The following ZNF668 variants were observed in gnomAD, a reference collection of about 807,000 sequenced individuals.
ZNF668 encodes the protein zinc finger protein 668.
Under a neutral mutation model 40.3 loss-of-function variants are expected in ZNF668, and 10 were observed. The ratio of observed to expected loss-of-function variants is 0.25; its 90% CI spans 0.15 to 0.42. The LOEUF is 0.42. Ranked by LOEUF, ZNF668 falls within the 10% of genes least tolerant of loss-of-function variation. ZNF668 has a pLI of 1.00. For missense variants in ZNF668, 749 were observed against 904.6 expected (o/e 0.83, Z 2.21); for synonymous variants, 428 against 384.6 (o/e 1.11, Z -1.32).
rs1195768465 is a variant in ZNF668, at chr16:31,061,081, T to C, written c.1847A>G (p.Glu616Gly). The change falls in exon 3 of 3, where the codon GAG becomes GGG. Residue 616 changes from glutamate to glycine, a missense_variant. Transcript: ENST00000300849. This position sits in a 1 kb window ranked among gnomAD's most constrained non-coding sequence, Gnocchi z 7.7. ...GGGTCATGGGCTTCAGGCCGGCCCC[T>C]CTTCAGGCATTCCTAGCAAAGCCAC... ...PLVALLGMPE[E>G]GPA The C allele has an allele frequency of 1.3e-6, 2 of 1,498,234 alleles. No homozygotes were observed. The highest frequency in any genetic ancestry group is 1.8e-6 in the Non-Finnish European group (2 of 1,126,190). The allele number at this position is 1,498,234 out of a possible 1,614,324, so 92.8% of individuals were successfully genotyped here. A position where few individuals can be genotyped will look rare whatever the true frequency, so the allele number is the denominator to read the frequency against.
At position 31,064,877 on chromosome 16, in the gene ZNF668, G is replaced by A. The variant is rs184914970; in HGVS notation, c.-22-396C>T. The A allele has an allele frequency of 9.8e-4, 1,392 of 1,421,148 alleles. 1 individual carries two copies. The highest frequency in any genetic ancestry group is 2.9e-3 in the Middle Eastern group (11 of 3,828). The allele number at this position is 1,421,148 out of a possible 1,614,324, so 88.0% of individuals were successfully genotyped here. Reference sequence around the variant, plus strand: ...ACCCAGACGTGGGCCTGGCCTGAAGGTCTCCAAGCGCCCAGAAAAGACAGA... The same window carrying A: ...ACCCAGACGTGGGCCTGGCCTGAAGATCTCCAAGCGCCCAGAAAAGACAGA... On this transcript the variant is annotated intron_variant, in intron 1 of 2. Transcript: ENST00000300849.
In ZNF668 at chr16:31,064,286, T is replaced by G. The variant is rs772187345; in HGVS notation, c.174A>C (p.Pro58=). The change falls in exon 2 of 3, where the codon CCA becomes CCC. Residue 58 remains proline, a synonymous_variant. Transcript: ENST00000300849. ...DCSEEVAEVK[P]KPETEAKAEE... ...CTGCCTTAGCTTCTGTCTCTGGCTT[T>G]GGCTTCACCTCGGCCACCTCTTCAG... 7 of 1,613,886 alleles carry G rather than the reference T, an allele frequency of 4.3e-6. No homozygotes were observed. In the East Asian group the frequency reaches 1.6e-4, roughly 36 times the overall value.
chr16:31,069,693 G>A (rs571857290), intron 1 of ZNF668, among the ~76,000 whole-genome samples: 1 of 151,302 alleles, frequency 6.6e-6, no homozygotes, highest in Non-Finnish European at 1.5e-5. Flanking sequence ...GGAATCTCAT[G>A]ATTATCTATC....
chr16:31,068,446 T>A (rs1296054236), intron 1 of ZNF668, among the ~76,000 whole-genome samples: 1 of 150,124 alleles, frequency 6.7e-6, no homozygotes, highest in Non-Finnish European at 1.5e-5. Context: ...ATGGTCTCAA[T>A]CTCCTGACCT....
In ZNF668 at chr16:31,064,386, A is replaced by C; in HGVS notation, c.74T>G (p.Leu25Arg). Residue 25 changes from leucine to arginine, a missense_variant, in exon 2 of 3, where the codon CTG (leucine) becomes CGG (arginine). Physicochemically the swap from Leu to Arg is moderately radical, Grantham distance 102 (BLOSUM62 -2). This residue lies in a region of ZNF668 where 159 missense variants were observed against 139.8 expected (regional missense o/e 1.14). Transcript: ENST00000300849. ...GTTTGGAAATGTCTTGGTACAGGACAGGCACTTGTAGCGGCGGCCCGAGCG... is the reference window on the plus strand; with the variant it reads ...GTTTGGAAATGTCTTGGTACAGGACCGGCACTTGTAGCGGCGGCCCGAGCG... ...YKRSGRRYKC[L>R]SCTKTFPNAP... 2 of 1,613,868 alleles carry C rather than the reference A, an allele frequency of 1.2e-6. No individual in the cohort carries two copies. Among genetic ancestry groups the C allele is most frequent in the Non-Finnish European group, 8.5e-7 (1 of 1,180,022 alleles).
chr16:31,065,142 G>A, intron 1 of ZNF668: 1 of 1,000,982 alleles, frequency 1.0e-6, no homozygotes, highest in Non-Finnish European at 1.2e-6. Flanking sequence ...TCTGGTAATG[G>A]AGAATCACTC....
rs750856448 is a variant in ZNF668 at position 31,061,104 on chromosome 16, C to G, written c.1824G>C (p.Val608=). ...CCTCTTCAGGCATTCCTAGCAAAGCCACCAGGGGCTCCAGGGGTGTGGGGG... is the reference window on the plus strand; with the variant it reads ...CCTCTTCAGGCATTCCTAGCAAAGCGACCAGGGGCTCCAGGGGTGTGGGGG... ...MGTPTPLEPL[V]ALLGMPEEGP... Residue 608 remains valine, a synonymous_variant, in exon 3 of 3, where the codon GTG becomes GTC. Transcript: ENST00000300849. This position sits in a 1 kb window ranked among gnomAD's most constrained non-coding sequence, Gnocchi z 7.7. The G allele has an allele frequency of 1.3e-4, 199 of 1,503,648 alleles. No homozygotes were observed. The highest frequency in any genetic ancestry group is 1.7e-4 in the Non-Finnish European group (196 of 1,128,744). The allele number at this position is 1,503,648 out of a possible 1,614,324, so 93.1% of individuals were successfully genotyped here. A position where few individuals can be genotyped will look rare whatever the true frequency, so the allele number is the denominator to read the frequency against.
In ZNF668 at chr16:31,061,391, G is replaced by A. The variant is rs746680234; in HGVS notation, c.1537C>T (p.Pro513Ser). The change falls in exon 3 of 3, where the codon CCC becomes TCC. Residue 513 changes from proline (P) to serine (S), a missense_variant. Transcript: ENST00000300849. The surrounding 1 kb of genome is among the most constrained non-coding windows in gnomAD (Gnocchi z 7.7). ...CACTCTCGGCACACAAACTGGGGGG[G>A]CTTCTCGTCAGCCTCCTCACCCCCC... The part of the protein sequence containing the change: ...EAGGEEADEK[P>S]PQFVCRECKE... 3 of 1,613,630 alleles carry A rather than the reference G, an allele frequency of 1.9e-6. No individual in the cohort carries two copies. In the African/African-American group the frequency reaches 4.0e-5, roughly 22 times the overall value.
In ZNF668 at chr16:31,064,270, C is replaced by T. The variant is rs1163731069; in HGVS notation, c.190G>A (p.Ala64Thr). The T allele has an allele frequency of 3.7e-6, 6 of 1,613,678 alleles. No individual in the cohort carries two copies. Among genetic ancestry groups the T allele is most frequent in the Admixed American group, 1.7e-5 (1 of 60,016 alleles). The change falls in exon 2 of 3, where the codon GCT becomes ACT. Residue 64 changes from alanine to threonine, a missense_variant. Coordinates refer to ENST00000300849, the MANE Select transcript of ZNF668 (RefSeq NM_024706.5). ...AEVKPKPETE[A>T]KAEEASGEKV... ...TCCCCACTGGCTTCCTCTGCCTTAG[C>T]TTCTGTCTCTGGCTTTGGCTTCACC...
chr16:31,068,141 A>AGT (rs1214447769), intron 1 of ZNF668, among the ~76,000 whole-genome samples: 1 of 141,110 alleles, frequency 7.1e-6, no homozygotes, highest in African/African-American at 2.6e-5. Context: ...AAGGTAGGGG[A>AGT]GTGCCAGGTT....
Position 31,061,565 on chromosome 16 carries a change from G to A in ZNF668, c.1363C>T (p.Pro455Ser). 7 of 1,609,168 alleles carry A rather than the reference G, an allele frequency of 4.4e-6. No individual in the cohort carries two copies. The highest frequency in any genetic ancestry group is 5.9e-6 in the Non-Finnish European group (7 of 1,179,780). Residue 455 changes from proline to serine, a missense_variant, in exon 3 of 3, where the codon CCT becomes TCT. This residue lies in a region of ZNF668 where 310 missense variants were observed against 355.1 expected (regional missense o/e 0.87). Transcript: ENST00000300849. The surrounding 1 kb of genome is among the most constrained non-coding windows in gnomAD (Gnocchi z 7.7). ...APAAGAGLGD[P>S]PAGLLGLPPE... ...GGCAGCCCTAGCAGCCCTGCTGGAG[G>A]GTCCCCCAGCCCCGCCCCTGCTGCC...
intron 1 of ZNF668, 125 bp from the exon 2 acceptor site, chr16:31,064,606 C>G (rs552328435): frequency 1.9e-6 from 3 of 1,541,856 alleles, no homozygotes; most frequent in South Asian, 2.4e-5. Context: ...CCCAGCATTC[C>G]TGGCTCTGAC....
Position 31,062,041 on chromosome 16 carries a change from C to T in ZNF668, c.887G>A (p.Arg296His). ...CCCTTCATGGGCGCGCTGGTGGCGA[C>T]GGAAGCTCGAGGGGTCGGAGAACAT... ...GRMFSDPSSF[R>H]RHQRAHEGVK... is the part of the protein sequence containing the mutation. The change falls in exon 3 of 3, where the codon CGT (arginine) becomes CAT (histidine). Residue 296 changes from arginine (R) to histidine (H), a missense_variant. Arg to His is a conservative substitution (Grantham distance 29). Coordinates refer to ENST00000300849, the MANE Select transcript of ZNF668 (RefSeq NM_024706.5). 2 of 1,613,692 alleles carry T rather than the reference C, an allele frequency of 1.2e-6. No homozygotes were observed. The highest frequency in any genetic ancestry group is 1.7e-6 in the Non-Finnish European group (2 of 1,179,832).
At chr16:31,066,719 CAATA>C (rs1220895152) in intron 1 of ZNF668, among the ~76,000 whole-genome samples, 1 of 146,268 alleles carries the variant, frequency 6.8e-6, no homozygotes, top group East Asian at 2.0e-4. Flanking sequence ...ATCAATCAAT[CAATA>C]ATCAATCCTG....
chr16:31,071,311 C>T (rs942615897), intron 1 of ZNF668, among the ~76,000 whole-genome samples: 1 of 152,030 alleles, frequency 6.6e-6, no homozygotes, highest in South Asian at 2.1e-4. Flanking sequence ...GGACTACAGG[C>T]GAAAGCCATC....
Position 31,061,870 on chromosome 16 carries a change from C to T in ZNF668, c.1058G>A (p.Arg353Gln). The change falls in exon 3 of 3, where the codon CGG becomes CAG. Residue 353 changes from arginine (R) to glutamine (Q), a missense_variant. Arg to Gln is a conservative substitution (Grantham distance 43). Transcript: ENST00000300849. This position sits in a 1 kb window ranked among gnomAD's most constrained non-coding sequence, Gnocchi z 7.7. ...CTGGCCAGAGTGCACCAGCGCGTGCCGCTTGAGGTCCCAGGACGCCACGAA... is the reference window on the plus strand; with the variant it reads ...CTGGCCAGAGTGCACCAGCGCGTGCTGCTTGAGGTCCCAGGACGCCACGAA... ...KTFVASWDLK[R>Q]HALVHSGQRP... The T allele has an allele frequency of 1.2e-6, 2 of 1,612,894 alleles. No individual in the cohort carries two copies. The highest frequency in any genetic ancestry group is 1.7e-6 in the Non-Finnish European group (2 of 1,179,530).
chr16:31,064,661 G>C (rs2056968532), intron 1 of ZNF668, 180 bp from the exon 2 acceptor site: 1 of 1,536,072 alleles, frequency 6.5e-7, no homozygotes, highest in African/African-American at 1.4e-5. Flanking sequence ...GAAGAAAGGA[G>C]TTGGACCAAG....
chr16:31,064,151 C>A lies in ZNF668; in HGVS notation c.309G>T (p.Gly103=). 1 of 1,608,450 alleles carries A rather than the reference C, an allele frequency of 6.2e-7. No individual in the cohort carries two copies. Among genetic ancestry groups the A allele is most frequent in the Non-Finnish European group, 8.5e-7 (1 of 1,179,014 alleles). The change falls in exon 2 of 3, where the codon GGG becomes GGT. Residue 103 remains glycine (G), a synonymous_variant. Transcript: ENST00000300849. ...YKTAPELRSH[G]RSHTGEKPFP... is the part of the protein sequence containing the mutation. The stretch of plus-strand genomic sequence containing the variant: ...AGGGCTTCTCCCCCGTGTGGCTGCG[C>A]CCGTGGCTGCGCAGCTCGGGTGCCG...
Position 31,064,298 on chromosome 16 carries a change from G to A in ZNF668, c.162C>T (p.Ala54=). The change falls in exon 2 of 3, where the codon GCC becomes GCT. Residue 54 remains alanine, a synonymous_variant. Transcript: ENST00000300849. ...CTGTCTCTGGCTTTGGCTTCACCTC[G>A]GCCACCTCTTCAGAGCAGTCTGCCG... ...HGPADCSEEV[A]EVKPKPETEA... The A allele has an allele frequency of 1.2e-6, 2 of 1,613,766 alleles. No homozygotes were observed. The highest frequency in any genetic ancestry group is 8.5e-7 in the Non-Finnish European group (1 of 1,180,020).
Sources: gnomAD v4.1 joint callset for allele counts (sites outside exome capture counted in the v4.1 genomes callset) on GRCh38, gnomAD v4.1.1 for gene constraint, gnomAD v4.1.1 regional missense constraint, Gnocchi (gnomAD v3.1) non-coding constraint, MANE v1.5 for transcripts, NCBI Gene and HGNC (gene_info 2026-07-23, HGNC 2026-07-21) for gene names.